EML2: variants seen among roughly 807,000 people sequenced by gnomAD.
The protein encoded by EML2 is echinoderm microtubule-associated protein-like 2.
In EML2, 59 loss-of-function variants were observed where a neutral mutation model predicts 84.7. That is an observed-to-expected ratio of 0.70 (90% CI 0.56 to 0.86). EML2 has a LOEUF of 0.86. Ranked by LOEUF, EML2 falls within the 40% of genes least tolerant of loss-of-function variation. The pLI, the probability that EML2 is intolerant of heterozygous loss-of-function variation, is 0.00. For missense variants in EML2, 818 were observed against 855.6 expected (o/e 0.96, Z 0.55); for synonymous variants, 352 against 348.9 (o/e 1.01, Z -0.10).
At chr19:45,643,478 G>T (rs542785433), upstream of EML2, 41 of 1,432,394 alleles carry the variant, frequency 2.9e-5, no homozygotes, top group East Asian at 6.8e-4. Context: ...CAGCCAAAAT[G>T]ACTCCCCGAG....
chr19:45,619,909 G>A lies in EML2; in HGVS notation c.1123-718C>T, dbSNP rs1034285313. Among the ~76,000 whole-genome samples, 3 of 152,076 alleles carry A rather than the reference G, an allele frequency of 2.0e-5. No homozygotes were observed. The East Asian group carries it at 5.8e-4, about 29-fold the overall frequency. ...CTACAAAAAATACAAAAATTTGCCA[G>A]TTGTGGTGGTGCACACTTGTAGCCC... On this transcript the variant is annotated intron_variant, in intron 11 of 18. Transcript: ENST00000245925.
chr19:45,645,406 T>C (rs1212711854), upstream of EML2: 24 of 1,478,252 alleles, frequency 1.6e-5, no homozygotes, highest in Non-Finnish European at 2.0e-5. Flanking sequence ...AACCAGGCCC[T>C]GCCTCCCGTT....
intron 15 of EML2, chr19:45,616,241 G>A (rs1971051967): frequency 5.3e-6 from 3 of 565,370 alleles, no homozygotes; most frequent in Admixed American, 6.2e-5. Context: ...GAGGGGCGGG[G>A]CTACACAGAT....
At chr19:45,639,541 C>T (rs1249653451), upstream of EML2, 3 of 587,162 alleles carry the variant, frequency 5.1e-6, no homozygotes, top group Admixed American at 8.8e-5. Flanking sequence ...TGTGGACTCC[C>T]GATCCCAGGT....
chr19:45,641,652 G>A, upstream of EML2: 2 of 1,535,558 alleles, frequency 1.3e-6, no homozygotes, highest in Non-Finnish European at 8.7e-7. Flanking sequence ...CTTCCTTTTT[G>A]GCGCTACAGT....
chr19:45,615,547 A>AATAATG (rs1035156081), intron 16 of EML2, among the ~76,000 whole-genome samples: 2 of 147,658 alleles, frequency 1.4e-5, no homozygotes, highest in Non-Finnish European at 3.0e-5. Context: ...TAATAATAAT[A>AATAATG]ATAATAATTA....
intron 8 of EML2, among the ~76,000 whole-genome samples, chr19:45,626,423 G>C (rs894333241): frequency 9.2e-6 from 1 of 109,010 alleles, no homozygotes; most frequent in Non-Finnish European, 1.7e-5. Flanking sequence ...ATAGGGTCTC[G>C]TTCTATCACC....
At chr19:45,617,200 C>T (rs956502536) in intron 13 of EML2, among the ~76,000 whole-genome samples, 2 of 147,058 alleles carry the variant, frequency 1.4e-5, no homozygotes, top group Non-Finnish European at 3.0e-5. Context: ...GAGCTGAGAT[C>T]GCGCCACCGG....
chr19:45,614,525 G>T, intron 17 of EML2, 80 bp downstream of exon 17: 1 of 1,253,284 alleles, frequency 8.0e-7, no homozygotes, highest in Non-Finnish European at 1.2e-6. Context: ...GAGGTAAGCA[G>T]TAAGACTCTG....
chr19:45,634,353 G>A lies in EML2; in HGVS notation c.298C>T (p.His100Tyr). The A allele has an allele frequency of 6.2e-7, 1 of 1,613,916 alleles. No individual in the cohort carries two copies. Among genetic ancestry groups the A allele is most frequent in the Non-Finnish European group, 8.5e-7 (1 of 1,179,898 alleles). ...LYSVEEQRQR[H>Y]YLGHNDDIKC... ...ATGTCATCGTTGTGTCCCAGGTAGT[G>A]TCGCTGCCTCTGCTCCTCCACGCTG... Residue 100 changes from histidine to tyrosine, a missense_variant, in exon 4 of 19, where the codon CAC becomes TAC. Coordinates refer to ENST00000245925, the MANE Select transcript of EML2 (RefSeq NM_012155.4).
At chr19:45,635,883 C>T (rs868014180) in intron 3 of EML2, among the ~76,000 whole-genome samples, 14 of 152,068 alleles carry the variant, frequency 9.2e-5, no homozygotes, top group East Asian at 3.9e-4. Context: ...TGAGCCACCG[C>T]GCCCGGGCTA....
At chr19:45,642,338 C>A (rs1974611018), upstream of EML2, 5 of 1,532,170 alleles carry the variant, frequency 3.3e-6, no homozygotes, top group Non-Finnish European at 4.4e-6. Flanking sequence ...CCGCTCGTGC[C>A]CGACAAATTG....
chr19:45,614,894 C>A, intron 16 of EML2, 194 bp from the exon 17 acceptor site: 1 of 535,524 alleles, frequency 1.9e-6, no homozygotes, highest in Admixed American at 3.1e-5. Context: ...GCAGGAGCAT[C>A]TACTTTTAAA....
intron 9 of EML2, among the ~76,000 whole-genome samples, chr19:45,622,790 G>A (rs1311033618): frequency 4.0e-5 from 6 of 151,578 alleles, no homozygotes; most frequent in African/African-American, 1.4e-4. Flanking sequence ...GCTCATGCCT[G>A]TAATCCCAGC....
At chr19:45,643,243 C>CT (rs1015469874), upstream of EML2, among the ~76,000 whole-genome samples, 18 of 152,314 alleles carry the variant, frequency 1.2e-4, no homozygotes, top group African/African-American at 3.8e-4. Context: ...TCTCCTCACC[C>CT]TGGGGTTCGA....
In EML2 at chr19:45,634,648, G is replaced by A. The variant is rs543847047; in HGVS notation, c.180-177C>T. Among the ~76,000 whole-genome samples, 3 of 151,978 alleles carry A rather than the reference G, an allele frequency of 2.0e-5. No individual in the cohort carries two copies. In the East Asian group the frequency reaches 5.8e-4, roughly 29 times the overall value. ...GTGATCTCAGCTCACTGCAAGCTCC[G>A]CCTCCTGGGTTCATGCCATTCTCCT... On this transcript the variant is annotated intron_variant, in intron 3 of 18. Transcript: ENST00000245925.
upstream of EML2, chr19:45,642,594 T>C: frequency 8.1e-7 from 1 of 1,239,274 alleles, no homozygotes; most frequent in East Asian, 3.1e-5. Context: ...CGTGTGACCT[T>C]GGGGAAGTCC....
chr19:45,636,813 A>G lies in EML2; in HGVS notation c.179+1692T>C, dbSNP rs112750685. ...AAACACACAAAAAAATTAGCCAGGC[A>G]TGGTGGCCCATGCCACCCAGCTACT... On this transcript the variant is annotated intron_variant, in intron 3 of 18. Coordinates refer to ENST00000245925, the MANE Select transcript of EML2 (RefSeq NM_012155.4). Among the ~76,000 whole-genome samples, 445 of 152,366 alleles carry G rather than the reference A, an allele frequency of 2.9e-3. 4 individuals carry two copies. The highest frequency in any genetic ancestry group is 9.7e-3 in the African/African-American group (403 of 41,600).
At chr19:45,616,913 G>T in intron 13 of EML2, 60 bp from the exon 14 acceptor site, 2 of 1,267,628 alleles carry the variant, frequency 1.6e-6, no homozygotes, top group Middle Eastern at 1.9e-4. Context: ...GAGAGAGGCC[G>T]CAATCTGTGG....
Sources: gnomAD v4.1 joint callset for allele counts (sites outside exome capture counted in the v4.1 genomes callset) on GRCh38, gnomAD v4.1.1 for gene constraint, MANE v1.5 for transcripts, NCBI Gene and HGNC (gene_info 2026-07-23, HGNC 2026-07-21) for gene names.